The following L3MBTL4 variants were observed in gnomAD, a reference collection of about 807,000 sequenced individuals.
The protein encoded by L3MBTL4 is lethal(3)malignant brain tumor-like protein 4.
Under a neutral mutation model 84.5 loss-of-function variants are expected in L3MBTL4, and 70 were observed. That is an observed-to-expected ratio of 0.83 (90% confidence interval 0.68 to 1.01). The LOEUF (loss-of-function observed/expected upper bound fraction) is 1.01, where lower values mean the gene tolerates loss of function less well. Among genes scored for constraint, L3MBTL4 ranks in the 50% least tolerant of loss-of-function variants. The pLI is 0.00. For synonymous variants in L3MBTL4, 274 were observed against 259.8 expected, an observed-to-expected ratio of 1.05 and a Z score of -0.52; for missense variants, 715 against 754.8, an observed-to-expected ratio of 0.95 and a Z score of 0.62.
intron 14 of L3MBTL4, among the ~76,000 whole-genome samples, chr18:6,111,320 T>TA (rs1947841504): frequency 1.3e-5 from 2 of 152,244 alleles, no homozygotes; most frequent in African/African-American, 4.8e-5. Context: ...ATAACCACTT[T>TA]AAATGAGTGA....
At chr18:5,958,062 G>GAGAAGGAGAAGA (rs2095238995) in intron 18 of L3MBTL4, among the ~76,000 whole-genome samples, 2 of 93,228 alleles carry the variant, frequency 2.1e-5, no homozygotes, top group Non-Finnish European at 2.1e-5. Flanking sequence ...GAAGGAGAAG[G>GAGAAGGAGAAGA]AGAAGAAGAA....
intron 14 of L3MBTL4, among the ~76,000 whole-genome samples, chr18:6,137,621 T>C (rs995509035): frequency 1.3e-5 from 2 of 152,360 alleles, no homozygotes; most frequent in East Asian, 1.9e-4. Context: ...AATTTATCTA[T>C]ACATTATTTA....
chr18:6,404,806 C>T (rs2055656006), intron 1 of L3MBTL4, among the ~76,000 whole-genome samples: 1 of 152,106 alleles, frequency 6.6e-6, no homozygotes, highest in Non-Finnish European at 1.5e-5. Context: ...TCTGCCTTAA[C>T]CTCCACGTAG....
intron 16 of L3MBTL4, among the ~76,000 whole-genome samples, chr18:5,983,451 TATC>T (rs1321308550): frequency 1.1e-4 from 17 of 152,078 alleles, no homozygotes; most frequent in African/African-American, 3.9e-4. Context: ...TTTTCTTAAT[TATC>T]AACTATAAAA....
chr18:6,102,689 T>A (rs2058872538), intron 14 of L3MBTL4, among the ~76,000 whole-genome samples: 1 of 152,206 alleles, frequency 6.6e-6, no homozygotes, highest in African/African-American at 2.4e-5. Context: ...GAAGATGAAC[T>A]CTGCAGCTGG....
intron 1 of L3MBTL4, among the ~76,000 whole-genome samples, chr18:6,365,843 A>G (rs1215289539): frequency 6.6e-6 from 1 of 152,222 alleles, no homozygotes; most frequent in East Asian, 1.9e-4. Context: ...CTCTTGTTAA[A>G]TAATAATTAC....
chr18:6,138,077 G>A, intron 14 of L3MBTL4, 117 bp downstream of exon 14: 1 of 579,380 alleles, frequency 1.7e-6, no homozygotes, highest in Non-Finnish European at 3.0e-6. Context: ...ACACAGAGGT[G>A]GGAGTGTCAC....
intron 16 of L3MBTL4, among the ~76,000 whole-genome samples, chr18:6,002,034 C>T (rs1229539989): frequency 6.6e-6 from 1 of 152,088 alleles, no homozygotes; most frequent in Non-Finnish European, 1.5e-5. Flanking sequence ...AGAAGGAATC[C>T]TGAAAGCACC....
chr18:6,191,996 T>TC (rs1185618755), intron 12 of L3MBTL4, among the ~76,000 whole-genome samples: 378 of 97,434 alleles, frequency 3.9e-3, no homozygotes, highest in African/African-American at 0.014. Flanking sequence ...TGTCCCCTCC[T>TC]CCCCCCCCTC....
At chr18:5,980,878 G>C (rs559687) in intron 16 of L3MBTL4, among the ~76,000 whole-genome samples, 2 of 152,176 alleles carry the variant, frequency 1.3e-5, no homozygotes, top group South Asian at 2.1e-4. Context: ...CACAGGATGA[G>C]TTGCTCCTCA....
intron 14 of L3MBTL4, among the ~76,000 whole-genome samples, chr18:6,111,603 A>G (rs1219589978): frequency 6.6e-6 from 1 of 152,190 alleles, no homozygotes; most frequent in African/African-American, 2.4e-5. Context: ...GAGAAGAAAC[A>G]GCCCGCTGCA....
intron 10 of L3MBTL4, among the ~76,000 whole-genome samples, chr18:6,233,528 A>G (rs1043673336): frequency 4.0e-5 from 6 of 150,298 alleles, no homozygotes; most frequent in Non-Finnish European, 7.3e-5. Flanking sequence ...CACCAATAAC[A>G]GACAGAGAGC....
At chr18:6,055,583 C>A (rs2056992978) in intron 16 of L3MBTL4, among the ~76,000 whole-genome samples, 1 of 152,164 alleles carries the variant, frequency 6.6e-6, no homozygotes, top group Non-Finnish European at 1.5e-5. Flanking sequence ...AAATAGAAAA[C>A]AATGCTCAAA....
intron 16 of L3MBTL4, among the ~76,000 whole-genome samples, chr18:6,058,342 C>T (rs530599734): frequency 2.0e-4 from 31 of 152,308 alleles, no homozygotes; most frequent in African/African-American, 7.2e-4. Context: ...ACTTTTGCTG[C>T]ATCCTTTAGA....
At chr18:6,013,576 T>C (rs565022311) in intron 16 of L3MBTL4, among the ~76,000 whole-genome samples, 17 of 152,232 alleles carry the variant, frequency 1.1e-4, no homozygotes, top group Non-Finnish European at 2.2e-4. Context: ...CCTTGCCCAG[T>C]GAACGCCTAA....
chr18:6,162,785 G>C (rs577452204), intron 13 of L3MBTL4, among the ~76,000 whole-genome samples: 1 of 152,182 alleles, frequency 6.6e-6, no homozygotes, highest in Non-Finnish European at 1.5e-5. Flanking sequence ...TGATTTTCCC[G>C]TAAGAAAAGT....
At chr18:6,318,494 TAAA>T (rs71370550) in intron 1 of L3MBTL4, among the ~76,000 whole-genome samples, 584 of 14,128 alleles carry the variant, frequency 0.041, 1 homozygote, top group East Asian at 0.078. Context: ...ACAACAATAG[TAAA>T]AAAAAAAAAA....
At chr18:6,037,068 T>C (rs2056174960) in intron 16 of L3MBTL4, among the ~76,000 whole-genome samples, 1 of 152,202 alleles carries the variant, frequency 6.6e-6, no homozygotes, top group South Asian at 2.1e-4. Flanking sequence ...TGCGGGGAGA[T>C]GTGACAACAA....
chr18:5,963,398 T>C (rs2052160635), intron 17 of L3MBTL4, among the ~76,000 whole-genome samples: 1 of 152,168 alleles, frequency 6.6e-6, no homozygotes, highest in Admixed American at 6.5e-5. Context: ...TTAAAGGGAA[T>C]AAATAATGTG....
Sources: gnomAD v4.1 joint callset for allele counts (sites outside exome capture counted in the v4.1 genomes callset) on GRCh38, gnomAD v4.1.1 for gene constraint, MANE v1.5 for transcripts, NCBI Gene and HGNC (gene_info 2026-07-23, HGNC 2026-07-21) for gene names.